NR2F6: variants seen among roughly 807,000 people sequenced by gnomAD.
NR2F6 encodes nuclear receptor subfamily 2 group F member 6, also known as ERBA-related gene-2.
Under a neutral mutation model 26.5 loss-of-function variants are expected in NR2F6, and 16 were observed. That is an observed-to-expected ratio of 0.60 (90% CI 0.41 to 0.92). The LOEUF (loss-of-function observed/expected upper bound fraction) is 0.92. Among genes scored for constraint, NR2F6 ranks in the 40% least tolerant of loss-of-function variants. The pLI is 0.00. For missense variants in NR2F6, 536 were observed against 631.7 expected, an observed-to-expected ratio of 0.85 and a Z score of 1.62; for synonymous variants, 325 against 305.0, an observed-to-expected ratio of 1.07 and a Z score of -0.68.
chr19:17,244,860 G>C lies in NR2F6; in HGVS notation c.278+83C>G, dbSNP rs73931059. On this transcript the variant is annotated intron_variant, in intron 1 of 3. Transcript: ENST00000291442. The stretch of plus-strand genomic sequence containing the variant: ...GGAGGCCCAGGGAAGGTCAGCGCCA[G>C]GCCCAAGGTGACCGAGCAGGTCAGA... 69 of 1,495,026 alleles carry C rather than the reference G, an allele frequency of 4.6e-5. 1 individual carries two copies. The South Asian group carries it at 7.6e-4, about 17-fold the overall frequency. 92.6% of individuals were successfully genotyped at this position (1,495,026 alleles called of 1,614,324 possible). A position where few individuals can be genotyped will look rare whatever the true frequency, so the allele number is the denominator to read the frequency against.
chr19:17,241,623 G>T (rs1373873932), intron 1 of NR2F6, among the ~76,000 whole-genome samples: 2 of 152,262 alleles, frequency 1.3e-5, no homozygotes, highest in Non-Finnish European at 2.9e-5. Flanking sequence ...AGGAGCTGGG[G>T]GCTCTCCAAG....
At position 17,243,081 on chromosome 19, in the gene NR2F6, C is replaced by A. The variant is rs1006515702; in HGVS notation, c.278+1862G>T. ...CCTCTTACAGCACAGCTCCCCCAGTCTGCCACTAAGTGTTTTGTCTGGACC... is the reference window on the plus strand; with the variant it reads ...CCTCTTACAGCACAGCTCCCCCAGTATGCCACTAAGTGTTTTGTCTGGACC... On this transcript the variant is annotated intron_variant, in intron 1 of 3. Coordinates refer to ENST00000291442, the MANE Select transcript of NR2F6 (RefSeq NM_005234.4). Among the ~76,000 whole-genome samples the A allele has an allele frequency of 3.3e-5, 5 of 152,212 alleles. No homozygotes were observed. In the South Asian group the frequency reaches 1.0e-3, roughly 32 times the overall value.
chr19:17,235,038 C>T lies in NR2F6; in HGVS notation c.940+461G>A, dbSNP rs1014709191. Among the ~76,000 whole-genome samples, 5 of 152,262 alleles carry T rather than the reference C, an allele frequency of 3.3e-5. No homozygotes were observed. The highest frequency in any genetic ancestry group is 7.3e-5 in the Non-Finnish European group (5 of 68,052). Reference sequence around the variant, plus strand: ...CACGCCCCTACCCAGATCCCTACAACCCTGGCTACCTGGAGGTTGCCCTGG... The same window carrying T: ...CACGCCCCTACCCAGATCCCTACAATCCTGGCTACCTGGAGGTTGCCCTGG... On this transcript the variant is annotated intron_variant, in intron 3 of 3. Coordinates refer to ENST00000291442, the MANE Select transcript of NR2F6 (RefSeq NM_005234.4). The surrounding 1 kb of genome is among the most constrained non-coding windows in gnomAD (Gnocchi z 5.0).
At chr19:17,244,396 G>C (rs1298370231) in intron 1 of NR2F6, 1 of 106,276 alleles carries the variant, frequency 9.4e-6, no homozygotes, top group Admixed American at 1.3e-4. Context: ...ATGCGAAGAA[G>C]GCCGCCCCGT....
chr19:17,240,640 C>T lies in NR2F6; in HGVS notation c.373+31G>A, dbSNP rs777570304. Reference sequence around the variant, plus strand: ...TCACCCCGGCTCCAGCGGCTGTGATCGTCCCCAGTGTGTCCCCAGCACGTA... The same window carrying T: ...TCACCCCGGCTCCAGCGGCTGTGATTGTCCCCAGTGTGTCCCCAGCACGTA... On this transcript the variant is annotated intron_variant, in intron 2 of 3. Coordinates refer to ENST00000291442, the MANE Select transcript of NR2F6 (RefSeq NM_005234.4). 151 of 1,607,622 alleles carry T rather than the reference C, an allele frequency of 9.4e-5. 2 individuals are homozygous for T. The East Asian group carries it at 2.3e-3, about 25-fold the overall frequency.
chr19:17,235,503 C>T lies in NR2F6; in HGVS notation c.936G>A (p.Thr312=). ...CCTCTTCGGAGCGTGGCTCACCGGGCGTGAAGAGCGCGATGGCCTTGAGGC... is the reference window on the plus strand; with the variant it reads ...CCTCTTCGGAGCGTGGCTCACCGGGTGTGAAGAGCGCGATGGCCTTGAGGC... The part of the protein sequence containing the change: ...YGCLKAIALF[T]PDACGLSDPA... Residue 312 remains threonine, a synonymous_variant, in exon 3 of 4, where the codon ACG becomes ACA. Transcript: ENST00000291442. This position sits in a 1 kb window ranked among gnomAD's most constrained non-coding sequence, Gnocchi z 5.0. 1 of 1,586,694 alleles carries T rather than the reference C, an allele frequency of 6.3e-7. No homozygotes were observed. The highest frequency in any genetic ancestry group is 8.5e-7 in the Non-Finnish European group (1 of 1,172,722).
chr19:17,241,205 T>C (rs1373735267), intron 1 of NR2F6, among the ~76,000 whole-genome samples: 1 of 152,158 alleles, frequency 6.6e-6, no homozygotes, highest in African/African-American at 2.4e-5. Context: ...AAAGAGGACA[T>C]GGTCAGAGAG....
intron 2 of NR2F6, among the ~76,000 whole-genome samples, chr19:17,238,218 A>T (rs187465106): frequency 3.3e-5 from 5 of 152,224 alleles, no homozygotes; most frequent in Non-Finnish European, 2.9e-5. Context: ...TTACATGGTA[A>T]TTCAAGCCAA....
intron 2 of NR2F6, 149 bp downstream of exon 2, chr19:17,240,522 G>T: frequency 1.3e-6 from 1 of 765,888 alleles, no homozygotes; most frequent in Non-Finnish European, 2.2e-6. Flanking sequence ...AATGAGGTTA[G>T]CAGGCGCCGG....
At position 17,232,345 on chromosome 19, in the gene NR2F6, G is replaced by T; in HGVS notation, c.*7C>A. 1 of 1,613,768 alleles carries T rather than the reference G, an allele frequency of 6.2e-7. No homozygotes were observed. On this transcript the variant is annotated 3_prime_UTR_variant, in exon 4 of 4. Transcript: ENST00000291442. ...GCCTGGCCACAGCACACGTGGCCCC[G>T]TCATGGTCACTGGCCCGAGCCGTAG...
intron 2 of NR2F6, among the ~76,000 whole-genome samples, chr19:17,239,775 C>T (rs2073459498): frequency 6.6e-6 from 1 of 151,868 alleles, no homozygotes. Flanking sequence ...GCTGAGATCA[C>T]ACCACTGCAC....
intron 2 of NR2F6, among the ~76,000 whole-genome samples, chr19:17,237,638 C>G (rs1408784627): frequency 6.6e-6 from 1 of 152,044 alleles, no homozygotes; most frequent in Non-Finnish European, 1.5e-5. Flanking sequence ...TCTCAATCTC[C>G]TGACCTCGTG....
chr19:17,234,478 C>T (rs2073424893), intron 3 of NR2F6, among the ~76,000 whole-genome samples: 2 of 152,126 alleles, frequency 1.3e-5, no homozygotes, highest in Admixed American at 1.3e-4. Context: ...TAGCCTGGAT[C>T]TGGTTCCTAG....
At chr19:17,239,944 C>G (rs539850372) in intron 2 of NR2F6, among the ~76,000 whole-genome samples, 1 of 152,278 alleles carries the variant, frequency 6.6e-6, no homozygotes, top group Admixed American at 6.5e-5. Flanking sequence ...GAACCTGAAA[C>G]CCAGCACAGG....
At chr19:17,241,326 AG>A (rs1354693013) in intron 1 of NR2F6, among the ~76,000 whole-genome samples, 2 of 138,444 alleles carry the variant, frequency 1.4e-5, no homozygotes, top group African/African-American at 5.5e-5. Context: ...CCAAGGAATG[AG>A]GAAGTAAACA....
At position 17,236,003 on chromosome 19, in the gene NR2F6, G is replaced by C; in HGVS notation, c.436C>G (p.Pro146Ala). 1.4e-6 allele frequency: 2 copies of C among 1,425,398 alleles called. No individual in the cohort carries two copies. Among genetic ancestry groups the C allele is most frequent in the Non-Finnish European group, 1.8e-6 (2 of 1,094,968 alleles). The allele number at this position is 1,425,398 out of a possible 1,614,324, so 88.3% of individuals were successfully genotyped here. Residue 146 changes from proline (P) to alanine (A), a missense_variant, in exon 3 of 4, where the codon CCC (proline) becomes GCC (alanine). Pro to Ala is a conservative substitution (Grantham distance 27). Coordinates refer to ENST00000291442, the MANE Select transcript of NR2F6 (RefSeq NM_005234.4). Reference protein sequence around the residue: ...PGAVAASSGSPPGSALAAVAS... With the variant: ...PGAVAASSGSAPGSALAAVAS... ...ACTGCCGCCAGCGCCGAGCCCGGGGGGCTGCCCGAGGAGGCGGCCACGGCA... is the reference window on the plus strand; with the variant it reads ...ACTGCCGCCAGCGCCGAGCCCGGGGCGCTGCCCGAGGAGGCGGCCACGGCA...
chr19:17,238,792 G>A (rs1347158325), intron 2 of NR2F6, among the ~76,000 whole-genome samples: 4 of 152,194 alleles, frequency 2.6e-5, no homozygotes, highest in Non-Finnish European at 4.4e-5. Flanking sequence ...TTTACGCCAA[G>A]TATGGTGGCT....
At chr19:17,236,392 G>A (rs2073438926) in intron 2 of NR2F6, among the ~76,000 whole-genome samples, 2 of 151,898 alleles carry the variant, frequency 1.3e-5, no homozygotes, top group African/African-American at 2.4e-5. Context: ...AAAGCCTCCA[G>A]GCCCAGCCTT....
At chr19:17,243,103 G>A (rs900875719) in intron 1 of NR2F6, among the ~76,000 whole-genome samples, 2 of 152,128 alleles carry the variant, frequency 1.3e-5, no homozygotes, top group Non-Finnish European at 2.9e-5. Flanking sequence ...GTTTTGTCTG[G>A]ACCACATTCT....
Sources: gnomAD v4.1 joint callset for allele counts (sites outside exome capture counted in the v4.1 genomes callset) on GRCh38, gnomAD v4.1.1 for gene constraint, Gnocchi (gnomAD v3.1) non-coding constraint, MANE v1.5 for transcripts, NCBI Gene and HGNC (gene_info 2026-07-23, HGNC 2026-07-21) for gene names.